The following LPXN variants were observed in gnomAD, a reference collection of about 807,000 sequenced individuals.
LPXN encodes the protein leupaxin.
In LPXN, 28 loss-of-function variants were observed where a neutral mutation model predicts 45.6. That is an observed-to-expected ratio of 0.61 (90% CI 0.45 to 0.84). The LOEUF is 0.84. LPXN is among the 40% of genes least tolerant of loss of function. LPXN has a pLI of 0.00. For synonymous variants in LPXN, 166 were observed against 169.9 expected (o/e 0.98, Z 0.18); for missense variants, 459 against 475.0 (o/e 0.97, Z 0.31).
At chr11:58,552,318 GAA>G (rs200100366) in intron 4 of LPXN, among the ~76,000 whole-genome samples, 7 of 138,668 alleles carry the variant, frequency 5.0e-5, no homozygotes, top group African/African-American at 1.0e-4. Context: ...CAAATTAAAA[GAA>G]AAAAAAAAAA....
chr11:58,570,645 G>A lies in LPXN; in HGVS notation c.82C>T (p.Leu28Phe), dbSNP rs749006421. The A allele has an allele frequency of 3.7e-6, 6 of 1,613,818 alleles. No homozygotes were observed. In the East Asian group the frequency reaches 1.3e-4, roughly 36 times the overall value. The change falls in exon 2 of 9, where the codon CTT becomes TTT. Residue 28 changes from leucine to phenylalanine, a missense_variant. Coordinates refer to ENST00000395074, the MANE Select transcript of LPXN (RefSeq NM_004811.3). ...TTTCTGGAATGCTGATCCAGGGGAA[G>A]AGGAGCTGGGTTGGAATATTCATCA... ...DSDEYSNPAP[L>F]PLDQHSRKET...
At chr11:58,569,198 C>A (rs570152493) in intron 2 of LPXN, among the ~76,000 whole-genome samples, 2 of 152,198 alleles carry the variant, frequency 1.3e-5, no homozygotes, top group Admixed American at 1.3e-4. Flanking sequence ...TATCATAGTA[C>A]AAAATTACCA....
At chr11:58,576,658 C>T (rs1256278118), upstream of LPXN, among the ~76,000 whole-genome samples, 1 of 152,172 alleles carries the variant, frequency 6.6e-6, no homozygotes, top group Non-Finnish European at 1.5e-5. Context: ...ATTTTTTCCC[C>T]CTTTTTACCA....
At chr11:58,576,860 T>C (rs1047202570), upstream of LPXN, among the ~76,000 whole-genome samples, 1 of 152,166 alleles carries the variant, frequency 6.6e-6, no homozygotes, top group African/African-American at 2.4e-5. Flanking sequence ...AACCTCCAAC[T>C]CGAACTCCTG....
chr11:58,570,839 A>G (rs1228234389), intron 1 of LPXN, 126 bp from the exon 2 acceptor site: 1 of 631,942 alleles, frequency 1.6e-6, no homozygotes, highest in African/African-American at 1.8e-5. Context: ...ATTTTCAAAT[A>G]CTTTCCCTTA....
chr11:58,546,575 A>G (rs1432204561), intron 7 of LPXN, among the ~76,000 whole-genome samples: 1 of 152,228 alleles, frequency 6.6e-6, no homozygotes, highest in Non-Finnish European at 1.5e-5. Context: ...CTCAACAGAA[A>G]AGACCTAAGA....
intron 1 of LPXN, among the ~76,000 whole-genome samples, chr11:58,571,425 T>C (rs1428218164): frequency 6.6e-6 from 1 of 152,026 alleles, no homozygotes; most frequent in Non-Finnish European, 1.5e-5. Context: ...GCAATTATAT[T>C]ACCATTTTTC....
intron 4 of LPXN, among the ~76,000 whole-genome samples, chr11:58,552,232 G>A (rs1358741087): frequency 6.6e-6 from 1 of 151,600 alleles, no homozygotes; most frequent in East Asian, 1.9e-4. Flanking sequence ...GAAGTGGTCA[G>A]ATAAGACTTG....
At chr11:58,541,894 C>T (rs1348427593) in intron 7 of LPXN, among the ~76,000 whole-genome samples, 1 of 152,026 alleles carries the variant, frequency 6.6e-6, no homozygotes, top group Non-Finnish European at 1.5e-5. Context: ...TTTGTAGGGA[C>T]ATGGATGAAA....
intron 5 of LPXN, among the ~76,000 whole-genome samples, chr11:58,550,365 T>A (rs1453976907): frequency 6.6e-6 from 1 of 152,184 alleles, no homozygotes; most frequent in African/African-American, 2.4e-5. Context: ...CCGGGACTGA[T>A]CACTGTGATG....
chr11:58,550,942 G>A (rs1854029705), intron 5 of LPXN, 123 bp downstream of exon 5: 2 of 895,624 alleles, frequency 2.2e-6, no homozygotes, highest in South Asian at 4.8e-5. Flanking sequence ...CCAGAGCACT[G>A]TAAGTGATTA....
chr11:58,557,242 G>A (rs138857716), intron 3 of LPXN, among the ~76,000 whole-genome samples: 3 of 152,154 alleles, frequency 2.0e-5, no homozygotes, highest in Non-Finnish European at 2.9e-5. Context: ...CTCTGCACTC[G>A]TATGTTCATT....
At chr11:58,552,764 G>A (rs1854088795) in intron 4 of LPXN, among the ~76,000 whole-genome samples, 1 of 152,182 alleles carries the variant, frequency 6.6e-6, no homozygotes, top group Non-Finnish European at 1.5e-5. Context: ...AGAGGTTAGT[G>A]TTCAGAAGGT....
chr11:58,568,530 G>T (rs1432539350), intron 2 of LPXN, among the ~76,000 whole-genome samples: 1 of 150,804 alleles, frequency 6.6e-6, no homozygotes, highest in Non-Finnish European at 1.5e-5. Context: ...TTGAACCTGG[G>T]AGGCAGAGGT....
At chr11:58,542,688 C>T (rs1422892184) in intron 7 of LPXN, among the ~76,000 whole-genome samples, 1 of 151,234 alleles carries the variant, frequency 6.6e-6, no homozygotes. Context: ...TACATAAATC[C>T]CTAATGGAAT....
intron 7 of LPXN, among the ~76,000 whole-genome samples, chr11:58,547,855 A>T (rs1389822198): frequency 5.9e-5 from 9 of 152,206 alleles, no homozygotes; most frequent in Admixed American, 5.9e-4. Flanking sequence ...ATGAGAGGAG[A>T]AATCCTTCCC....
intron 5 of LPXN, 71 bp from the exon 6 acceptor site, chr11:58,550,217 T>C (rs1028342142): frequency 1.4e-5 from 20 of 1,399,830 alleles, no homozygotes; most frequent in East Asian, 1.4e-4. Context: ...TGCACAACTC[T>C]AGGGAGCACT....
At chr11:58,539,511 A>T (rs547615394) in intron 7 of LPXN, among the ~76,000 whole-genome samples, 1 of 152,300 alleles carries the variant, frequency 6.6e-6, no homozygotes, top group South Asian at 2.1e-4. Context: ...CCAAGGAAAT[A>T]GGAAGATTAC....
intron 7 of LPXN, among the ~76,000 whole-genome samples, chr11:58,535,738 T>C (rs1379111103): frequency 6.6e-6 from 1 of 152,224 alleles, no homozygotes; most frequent in Non-Finnish European, 1.5e-5. Flanking sequence ...TTGTCTCTGT[T>C]TGCAGATGAC....
Sources: gnomAD v4.1 joint callset for allele counts (sites outside exome capture counted in the v4.1 genomes callset) on GRCh38, gnomAD v4.1.1 for gene constraint, MANE v1.5 for transcripts, NCBI Gene and HGNC (gene_info 2026-07-23, HGNC 2026-07-21) for gene names.